The following PRKG1 variants were observed in gnomAD, a reference collection of about 807,000 sequenced individuals.
The protein encoded by PRKG1 is cGMP-dependent protein kinase 1.
PRKG1 carries 35 observed loss-of-function variants against 88.1 expected under a neutral mutation model. The ratio of observed to expected loss-of-function variants is 0.40; its 90% CI spans 0.30 to 0.53. PRKG1 has a LOEUF of 0.53. Ranked by LOEUF, PRKG1 falls within the 20% of genes least tolerant of loss-of-function variation. PRKG1 has a pLI of 0.59. For missense variants in PRKG1, 540 were observed against 839.8 expected (o/e 0.64, Z 4.41); for synonymous variants, 303 against 292.5 (o/e 1.04, Z -0.37).
chr10:52,045,863 G>T (rs1403904460), intron 5 of PRKG1, among the ~76,000 whole-genome samples: 1 of 151,986 alleles, frequency 6.6e-6, no homozygotes. Flanking sequence ...ACTCCTGGGG[G>T]CATGATGGTT....
intron 3 of PRKG1, among the ~76,000 whole-genome samples, chr10:51,748,888 G>C (rs765952801): frequency 6.6e-6 from 1 of 152,080 alleles, no homozygotes; most frequent in African/African-American, 2.4e-5. Flanking sequence ...GAACATTCTC[G>C]TAAGTTTATA....
At chr10:51,777,958 C>G (rs546390324) in intron 3 of PRKG1, among the ~76,000 whole-genome samples, 3 of 152,154 alleles carry the variant, frequency 2.0e-5, no homozygotes, top group African/African-American at 7.2e-5. Flanking sequence ...ATTTTTAGTG[C>G]AGAGTAATAT....
chr10:51,509,791 A>C (rs554719608), intron 3 of PRKG1, among the ~76,000 whole-genome samples: 22 of 152,262 alleles, frequency 1.4e-4, no homozygotes, highest in African/African-American at 5.3e-4. Flanking sequence ...CCAAAGGCAA[A>C]ACAGGTGCAC....
intron 2 of PRKG1, among the ~76,000 whole-genome samples, chr10:51,427,669 G>C (rs896637184): frequency 6.6e-6 from 1 of 152,150 alleles, no homozygotes. Flanking sequence ...GTGCTTACTA[G>C]AGCCCTGCTA....
At chr10:51,389,194 T>C (rs997230390) in intron 2 of PRKG1, among the ~76,000 whole-genome samples, 2 of 152,232 alleles carry the variant, frequency 1.3e-5, no homozygotes, top group Admixed American at 6.5e-5. Context: ...AGATATCTTG[T>C]TTTTCCTCTT....
At chr10:52,109,078 G>A (rs996672033) in intron 7 of PRKG1, among the ~76,000 whole-genome samples, 22 of 151,966 alleles carry the variant, frequency 1.4e-4, no homozygotes, top group South Asian at 6.3e-4. Context: ...CACCTGCCTC[G>A]GCCTCCCAAA....
chr10:51,455,339 C>T (rs1464186056), intron 2 of PRKG1, among the ~76,000 whole-genome samples: 1 of 152,234 alleles, frequency 6.6e-6, no homozygotes, highest in Non-Finnish European at 1.5e-5. Context: ...CTGACATGCC[C>T]TGTAGATATT....
intron 2 of PRKG1, among the ~76,000 whole-genome samples, chr10:51,163,953 C>T (rs1405026448): frequency 6.6e-6 from 1 of 152,216 alleles, no homozygotes; most frequent in Admixed American, 6.5e-5. Context: ...CTGTAGGCTC[C>T]ACTTCTGGGG....
At chr10:51,969,932 C>G (rs1017248323) in intron 5 of PRKG1, among the ~76,000 whole-genome samples, 4 of 150,440 alleles carry the variant, frequency 2.7e-5, no homozygotes, top group Non-Finnish European at 5.9e-5. Context: ...ATAAAGAATA[C>G]CTGTATACTT....
intron 5 of PRKG1, among the ~76,000 whole-genome samples, chr10:51,978,987 T>C (rs1252652449): frequency 1.3e-5 from 2 of 151,960 alleles, no homozygotes; most frequent in African/African-American, 4.8e-5. Context: ...CCAGGTCTTC[T>C]GATATTATGT....
At chr10:51,391,939 T>C (rs1175963130) in intron 2 of PRKG1, among the ~76,000 whole-genome samples, 1 of 152,196 alleles carries the variant, frequency 6.6e-6, no homozygotes, top group Non-Finnish European at 1.5e-5. Flanking sequence ...CCCATGAAAG[T>C]TATGACTGGT....
At chr10:52,250,937 C>G (rs1446019607) in intron 9 of PRKG1, among the ~76,000 whole-genome samples, 1 of 152,080 alleles carries the variant, frequency 6.6e-6, no homozygotes, top group Non-Finnish European at 1.5e-5. Flanking sequence ...GTATTGGCTA[C>G]AAGTCAGTGG....
intron 12 of PRKG1, among the ~76,000 whole-genome samples, chr10:52,273,485 T>G (rs1841786744): frequency 6.6e-6 from 1 of 152,066 alleles, no homozygotes; most frequent in African/African-American, 2.4e-5. Flanking sequence ...TATTTGTTAC[T>G]TTGCAGATAC....
chr10:51,075,931 G>A (rs9414804), intron 1 of PRKG1, among the ~76,000 whole-genome samples: 26,736 of 152,096 alleles, frequency 0.18, 5,543 homozygotes, highest in African/African-American at 0.51. Context: ...AGATAATAAC[G>A]TAATTGATAA....
chr10:51,654,705 T>C (rs1324327459), intron 3 of PRKG1, among the ~76,000 whole-genome samples: 2 of 152,196 alleles, frequency 1.3e-5, no homozygotes, highest in Non-Finnish European at 2.9e-5. Flanking sequence ...ATATTCTTCA[T>C]ACTTTTTATA....
intron 2 of PRKG1, among the ~76,000 whole-genome samples, chr10:51,279,548 A>C (rs1461083803): frequency 6.6e-6 from 1 of 152,148 alleles, no homozygotes; most frequent in African/African-American, 2.4e-5. Context: ...TTGCTTTATG[A>C]ATCTGGGTGC....
chr10:51,444,962 A>G (rs560985409), intron 2 of PRKG1, among the ~76,000 whole-genome samples: 1 of 152,028 alleles, frequency 6.6e-6, no homozygotes, highest in South Asian at 2.1e-4. Flanking sequence ...ATAAGGAATG[A>G]TTCTTCACAG....
intron 9 of PRKG1, among the ~76,000 whole-genome samples, chr10:52,212,222 T>C (rs1839996195): frequency 6.6e-6 from 1 of 152,182 alleles, no homozygotes; most frequent in Non-Finnish European, 1.5e-5. Context: ...TGGTTACAGC[T>C]CAGCATCTGC....
intron 5 of PRKG1, among the ~76,000 whole-genome samples, chr10:51,949,200 A>G (rs1843127499): frequency 6.6e-6 from 1 of 152,188 alleles, no homozygotes; most frequent in South Asian, 2.1e-4. Flanking sequence ...AAAATAGCAT[A>G]TATGTTGTCT....
Sources: gnomAD v4.1 joint callset for allele counts (sites outside exome capture counted in the v4.1 genomes callset) on GRCh38, gnomAD v4.1.1 for gene constraint, MANE v1.5 for transcripts, NCBI Gene and HGNC (gene_info 2026-07-23, HGNC 2026-07-21) for gene names.